Variants in PITPNC1 observed in about 807,000 individuals in gnomAD.
PITPNC1 encodes the protein cytoplasmic phosphatidylinositol transfer protein 1.
In PITPNC1, 18 loss-of-function variants were observed where a neutral mutation model predicts 44.7. The observed-to-expected ratio is 0.40, with a 90% confidence interval of 0.28 to 0.60. The LOEUF is 0.60. Among genes scored for constraint, PITPNC1 ranks in the 20% least tolerant of loss-of-function variants. The pLI is 0.39. For missense variants in PITPNC1, 290 were observed against 418.4 expected (o/e 0.69, Z 2.68); for synonymous variants, 141 against 149.6 (o/e 0.94, Z 0.42).
intron 1 of PITPNC1, among the ~76,000 whole-genome samples, chr17:67,484,967 A>G (rs1019085895): frequency 2.4e-4 from 37 of 152,062 alleles, no homozygotes; most frequent in African/African-American, 7.3e-4. Context: ...CCATTTTTAC[A>G]TATTGGTTTA....
chr17:67,604,076 T>C (rs567786107), intron 5 of PITPNC1, among the ~76,000 whole-genome samples: 1 of 152,378 alleles, frequency 6.6e-6, no homozygotes, highest in East Asian at 1.9e-4. Flanking sequence ...ATTTTTCTCC[T>C]TCCAAGTTTT....
chr17:67,396,242 G>T (rs1482683769), intron 1 of PITPNC1, among the ~76,000 whole-genome samples: 1 of 152,138 alleles, frequency 6.6e-6, no homozygotes, highest in African/African-American at 2.4e-5. Flanking sequence ...CTTTGGAAAG[G>T]TTAAGTAAAT....
chr17:67,572,722 A>T (rs1223878716), intron 4 of PITPNC1, among the ~76,000 whole-genome samples: 1 of 151,934 alleles, frequency 6.6e-6, no homozygotes, highest in Non-Finnish European at 1.5e-5. Flanking sequence ...AAGATTTAGG[A>T]AAGAAATTTC....
intron 4 of PITPNC1, among the ~76,000 whole-genome samples, chr17:67,576,251 G>A (rs2041148036): frequency 6.6e-6 from 1 of 152,082 alleles, no homozygotes; most frequent in Non-Finnish European, 1.5e-5. Context: ...CACTCAGTAT[G>A]GTGAAGAGTA....
At position 67,394,567 on chromosome 17, in the gene PITPNC1, C is replaced by G. The variant is rs576228240; in HGVS notation, c.48+16365C>G. Reference sequence around the variant, plus strand: ...CATTGGCTATAGGGAGTTGAAAGCTCTATTTGTAGACATCACTAGGAGAAC... The same window carrying G: ...CATTGGCTATAGGGAGTTGAAAGCTGTATTTGTAGACATCACTAGGAGAAC... On this transcript the variant is annotated intron_variant, in intron 1 of 8. Coordinates refer to ENST00000581322, the MANE Select transcript of PITPNC1 (RefSeq NM_012417.4). Among the ~76,000 whole-genome samples, 17 of 152,224 alleles carry G rather than the reference C, an allele frequency of 1.1e-4. 1 individual carries two copies. The South Asian group carries it at 2.7e-3, about 24-fold the overall frequency.
At chr17:67,607,797 C>T (rs943352149) in intron 5 of PITPNC1, among the ~76,000 whole-genome samples, 1 of 150,298 alleles carries the variant, frequency 6.7e-6, no homozygotes, top group African/African-American at 2.5e-5. Flanking sequence ...GCTGTGACCT[C>T]GGCTCACTGC....
chr17:67,645,970 C>G (rs112136529), intron 6 of PITPNC1, among the ~76,000 whole-genome samples: 12,090 of 152,186 alleles, frequency 0.079, 512 homozygotes, highest in Middle Eastern at 0.13. Flanking sequence ...ACTAAAAATA[C>G]AAAAATTAGA....
intron 1 of PITPNC1, among the ~76,000 whole-genome samples, chr17:67,381,941 G>A (rs1295981644): frequency 6.6e-6 from 1 of 152,088 alleles, no homozygotes; most frequent in Non-Finnish European, 1.5e-5. Context: ...TAGTGGCACT[G>A]GTGTGTTATT....
rs2039925221 is a variant in PITPNC1, at chr17:67,495,037, G to GTTT, written c.49-37763_49-37762insTTT. Reference sequence around the variant, plus strand: ...AACTTTGGCAATATTGAGCCATGGAGTTGTTTTTTTTTTTGTTTTTTTTTT... The same window carrying GTTT: ...AACTTTGGCAATATTGAGCCATGGAGTTTTTGTTTTTTTTTTTGTTTTTTTTTT... On this transcript the variant is annotated intron_variant, in intron 1 of 8. Transcript: ENST00000581322. Among the ~76,000 whole-genome samples, 113 of 79,400 alleles carry GTTT rather than the reference G, an allele frequency of 1.4e-3. 1 individual carries two copies. The highest frequency in any genetic ancestry group is 1.9e-3 in the Admixed American group (11 of 5,736). The allele number at this position is 79,400 out of a possible 152,430, so 52.1% of individuals were successfully genotyped here.
At chr17:67,681,536 G>A (rs912641668) in intron 8 of PITPNC1, among the ~76,000 whole-genome samples, 2 of 150,278 alleles carry the variant, frequency 1.3e-5, no homozygotes, top group African/African-American at 4.9e-5. Flanking sequence ...TTGAGTCTGG[G>A]AGGTCAAGGC....
intron 5 of PITPNC1, among the ~76,000 whole-genome samples, chr17:67,619,434 C>G (rs2041802135): frequency 6.6e-6 from 1 of 152,156 alleles, no homozygotes; most frequent in African/African-American, 2.4e-5. Flanking sequence ...CAAGGTGACC[C>G]AAGATCCAGG....
chr17:67,469,619 G>C (rs927442752), intron 1 of PITPNC1, among the ~76,000 whole-genome samples: 2 of 152,070 alleles, frequency 1.3e-5, no homozygotes. Context: ...GTTCAGGTGC[G>C]GGTCATCAGG....
intron 1 of PITPNC1, among the ~76,000 whole-genome samples, chr17:67,388,739 G>T (rs2143794952): frequency 6.6e-6 from 1 of 152,098 alleles, no homozygotes; most frequent in African/African-American, 2.4e-5. Context: ...TCCCGCCTCA[G>T]CTTTCTTAGT....
chr17:67,482,946 G>C (rs1489161054), intron 1 of PITPNC1, among the ~76,000 whole-genome samples: 6 of 152,156 alleles, frequency 3.9e-5, no homozygotes, highest in African/African-American at 1.4e-4. Context: ...CCGTGGGTCT[G>C]ACTCAGTCCT....
chr17:67,426,011 A>G (rs2038760035), intron 1 of PITPNC1, among the ~76,000 whole-genome samples: 1 of 152,168 alleles, frequency 6.6e-6, no homozygotes. Flanking sequence ...CCCTCCTGCA[A>G]TCCCTTTTGC....
intron 5 of PITPNC1, among the ~76,000 whole-genome samples, chr17:67,599,017 T>C (rs868531420): frequency 0.073 from 2,620 of 35,892 alleles, 220 homozygotes; most frequent in Non-Finnish European, 0.1. Flanking sequence ...TATATATATA[T>C]ATATATATAT....
intron 5 of PITPNC1, among the ~76,000 whole-genome samples, chr17:67,589,517 G>A (rs1299911642): frequency 6.6e-6 from 1 of 151,828 alleles, no homozygotes; most frequent in Non-Finnish European, 1.5e-5. Flanking sequence ...GAATCATGTT[G>A]GGAAACTGGA....
chr17:67,387,333 G>A (rs1243119597), intron 1 of PITPNC1, among the ~76,000 whole-genome samples: 1 of 152,122 alleles, frequency 6.6e-6, no homozygotes, highest in African/African-American at 2.4e-5. Context: ...CCTTAGCATC[G>A]TCTTTCCTGA....
chr17:67,381,468 CTTT>C (rs1180701616), intron 1 of PITPNC1, among the ~76,000 whole-genome samples: 6 of 135,618 alleles, frequency 4.4e-5, no homozygotes, highest in Admixed American at 7.4e-5. Flanking sequence ...GTTTCTCTCT[CTTT>C]TTTTTTTTTT....
Sources: allele counts gnomAD v4.1 joint callset (sites outside exome capture counted in the v4.1 genomes callset), GRCh38; gene constraint gnomAD v4.1.1; transcripts MANE v1.5; gene names NCBI Gene and HGNC (gene_info 2026-07-23, HGNC 2026-07-21).